The following ARHGAP15 variants were observed in gnomAD, a reference collection of about 807,000 sequenced individuals.
ARHGAP15 encodes the protein rho GTPase-activating protein 15.
Under a neutral mutation model 63.7 loss-of-function variants are expected in ARHGAP15, and 51 were observed. That is an observed-to-expected ratio of 0.80 (90% confidence interval 0.64 to 1.01). The LOEUF is 1.01. Among genes scored for constraint, ARHGAP15 ranks in the 50% least tolerant of loss-of-function variants. The pLI is 0.00. For missense variants in ARHGAP15, 560 were observed against 564.6 expected (o/e 0.99, Z 0.08); for synonymous variants, 191 against 193.8 (o/e 0.99, Z 0.12).
chr2:143,426,102 A>G (rs1471198128), intron 6 of ARHGAP15, among the ~76,000 whole-genome samples: 2 of 152,118 alleles, frequency 1.3e-5, no homozygotes, highest in Non-Finnish European at 2.9e-5. Flanking sequence ...AATAGTTCAT[A>G]TGTGTGTGTG....
chr2:143,555,894 A>G (rs60116184), intron 10 of ARHGAP15, among the ~76,000 whole-genome samples: 1 of 77,856 alleles, frequency 1.3e-5, no homozygotes, highest in African/African-American at 7.5e-5. Context: ...ATAGAATAGA[A>G]TAGAATAGAA....
chr2:143,638,169 A>G (rs532252560), intron 12 of ARHGAP15, among the ~76,000 whole-genome samples: 62 of 147,436 alleles, frequency 4.2e-4, no homozygotes, highest in Non-Finnish European at 8.7e-4. Flanking sequence ...CCAAAGGACT[A>G]TAAATCATGC....
At chr2:143,374,595 C>G (rs1686721044) in intron 6 of ARHGAP15, among the ~76,000 whole-genome samples, 1 of 152,050 alleles carries the variant, frequency 6.6e-6, no homozygotes. Context: ...GCCTCAACTC[C>G]CTGGACTCAA....
chr2:143,519,226 G>A (rs753956787), intron 9 of ARHGAP15, 40 bp from the exon 10 acceptor site: 17 of 1,443,566 alleles, frequency 1.2e-5, no homozygotes, highest in Non-Finnish European at 1.7e-5. Context: ...AACAACGCAA[G>A]CTTGGATTTT....
At position 143,491,418 on chromosome 2, in the gene ARHGAP15, G is replaced by A. The variant is rs372896921; in HGVS notation, c.826+3923G>A. On this transcript the variant is annotated intron_variant, in intron 9 of 13. Coordinates refer to ENST00000295095, the MANE Select transcript of ARHGAP15 (RefSeq NM_018460.4). ...TTAGGAGCAATTAGTATGCCCTTAT[G>A]TCAAAATAATAGCATCAGAGAGGAT... is the stretch of plus-strand genomic sequence containing the variant. 5.3e-5 allele frequency among the ~76,000 whole-genome samples: 8 copies of A among 152,296 alleles called. 1 individual carries two copies. In the South Asian group the frequency reaches 1.7e-3, roughly 32 times the overall value.
chr2:143,409,378 C>G (rs1437709114), intron 6 of ARHGAP15, among the ~76,000 whole-genome samples: 1 of 151,710 alleles, frequency 6.6e-6, no homozygotes. Flanking sequence ...ATGTCAGAAA[C>G]AGAAGTGGAG....
rs1047318361 is a variant in ARHGAP15, at chr2:143,329,253, C to T, written c.474+78653C>T. ...CAATGGTGAATGAATTTTGAAAATG[C>T]AGTTAAGGTCCCAAAGCAGCTGAAT... On this transcript the variant is annotated intron_variant, in intron 6 of 13. Coordinates refer to ENST00000295095, the MANE Select transcript of ARHGAP15 (RefSeq NM_018460.4). Among the ~76,000 whole-genome samples the T allele has an allele frequency of 2.0e-5, 3 of 152,148 alleles. No individual in the cohort carries two copies. The East Asian group carries it at 5.8e-4, about 29-fold the overall frequency.
At chr2:143,681,231 A>G (rs1559123030) in intron 12 of ARHGAP15, among the ~76,000 whole-genome samples, 1 of 152,162 alleles carries the variant, frequency 6.6e-6, no homozygotes. Context: ...CCTGGTCCCA[A>G]TGTCAGTTGG....
intron 13 of ARHGAP15, chr2:143,767,015 C>CCTTTG (rs1194884869): frequency 1.3e-5 from 2 of 152,118 alleles, no homozygotes; most frequent in Non-Finnish European, 2.9e-5. Flanking sequence ...AAAAAGTGTT[C>CCTTTG]CTTTGCTTTG....
intron 8 of ARHGAP15, among the ~76,000 whole-genome samples, chr2:143,462,446 A>G (rs1274258934): frequency 6.6e-6 from 1 of 152,220 alleles, no homozygotes; most frequent in Non-Finnish European, 1.5e-5. Context: ...AAAAAGGCAC[A>G]AAGTTTTACT....
chr2:143,720,929 C>G (rs892669562), intron 13 of ARHGAP15, among the ~76,000 whole-genome samples: 1 of 151,854 alleles, frequency 6.6e-6, no homozygotes, highest in African/African-American at 2.4e-5. Context: ...ATTAGCCAGG[C>G]GTGGTGGCGG....
At chr2:143,470,972 CAT>C (rs1323293830) in intron 8 of ARHGAP15, among the ~76,000 whole-genome samples, 1 of 141,040 alleles carries the variant, frequency 7.1e-6, no homozygotes, top group Non-Finnish European at 1.6e-5. Flanking sequence ...TATGTGTGTA[CAT>C]ACACACGTGT....
chr2:143,130,415 C>T (rs867023180), intron 1 of ARHGAP15, among the ~76,000 whole-genome samples: 1 of 151,958 alleles, frequency 6.6e-6, no homozygotes, highest in Non-Finnish European at 1.5e-5. Flanking sequence ...TTAATAACAG[C>T]CCAAGATATG....
chr2:143,337,115 G>A (rs1353701031), intron 6 of ARHGAP15, among the ~76,000 whole-genome samples: 1 of 152,092 alleles, frequency 6.6e-6, no homozygotes, highest in South Asian at 2.1e-4. Flanking sequence ...GGCAGAAGGT[G>A]GAGCTTGGAT....
intron 6 of ARHGAP15, among the ~76,000 whole-genome samples, chr2:143,363,629 G>A (rs542424381): frequency 6.6e-6 from 1 of 152,146 alleles, no homozygotes; most frequent in Non-Finnish European, 1.5e-5. Flanking sequence ...TAGCCACTTA[G>A]TCATTTGCTG....
At chr2:143,619,096 A>G (rs529225676) in intron 11 of ARHGAP15, among the ~76,000 whole-genome samples, 123 of 152,196 alleles carry the variant, frequency 8.1e-4, no homozygotes, top group African/African-American at 2.8e-3. Context: ...TACAGGCATG[A>G]GTCACTATAC....
chr2:143,319,372 G>A (rs918438796), intron 6 of ARHGAP15, among the ~76,000 whole-genome samples: 4 of 151,596 alleles, frequency 2.6e-5, no homozygotes, highest in East Asian at 3.9e-4. Flanking sequence ...TTACAGGCGC[G>A]CATCACCATG....
chr2:143,763,158 G>A (rs1359314081), intron 13 of ARHGAP15, among the ~76,000 whole-genome samples: 1 of 151,538 alleles, frequency 6.6e-6, no homozygotes, highest in Non-Finnish European at 1.5e-5. Flanking sequence ...TTGATGTGAG[G>A]TTAAAAAAAA....
intron 11 of ARHGAP15, 33 bp from the exon 12 acceptor site, chr2:143,624,100 C>CAATTA: frequency 6.2e-7 from 1 of 1,608,426 alleles, no homozygotes; most frequent in East Asian, 2.2e-5. Flanking sequence ...TTCATTAAAA[C>CAATTA]CAGTTGTTCC....
Sources: allele counts gnomAD v4.1 joint callset (sites outside exome capture counted in the v4.1 genomes callset), GRCh38; gene constraint gnomAD v4.1.1; transcripts MANE v1.5; gene names NCBI Gene and HGNC (gene_info 2026-07-23, HGNC 2026-07-21).